Variants in TACR1 observed in about 807,000 individuals in gnomAD.
The protein encoded by TACR1 is substance-P receptor.
In TACR1, 25 loss-of-function variants were observed where a neutral mutation model predicts 35.8. That is an observed-to-expected ratio of 0.70 (90% confidence interval 0.51 to 0.98). The LOEUF (loss-of-function observed/expected upper bound fraction) is 0.98. Among genes scored for constraint, TACR1 ranks in the 50% least tolerant of loss-of-function variants. TACR1 has a pLI of 0.00. For synonymous variants in TACR1, 195 were observed against 206.7 expected (o/e 0.94, Z 0.48); for missense variants, 478 against 522.9 (o/e 0.91, Z 0.84).
At chr2:75,052,699 G>A in intron 3 of TACR1, among the ~76,000 whole-genome samples, 1 of 152,208 alleles carries the variant, frequency 6.6e-6, no homozygotes, top group Middle Eastern at 3.4e-3. Flanking sequence ...TTATTTATAA[G>A]TGCCAATAGC....
At chr2:75,083,165 C>T (rs1673124450) in intron 2 of TACR1, among the ~76,000 whole-genome samples, 1 of 152,168 alleles carries the variant, frequency 6.6e-6, no homozygotes, top group Non-Finnish European at 1.5e-5. Context: ...TTTCCCAGCA[C>T]CATTTGTTAA....
Position 75,047,015 on chromosome 2 carries a change from A to T in TACR1, c.*2417T>A, listed in dbSNP as rs1297217386. 1 of 152,252 alleles carries T rather than the reference A, an allele frequency of 6.6e-6. No individual in the cohort carries two copies. Among genetic ancestry groups the T allele is most frequent in the Admixed American group, 6.5e-5 (1 of 15,280 alleles). The allele number at this position is 152,252 out of a possible 1,614,324, so 9.4% of individuals were successfully genotyped here. ...TGGTGTTTCTTACATGTGGGAGTTG[A>T]TGACATTTTTATAAGTTAGTGGACA... On this transcript the variant is annotated 3_prime_UTR_variant, in exon 5 of 5. Coordinates refer to ENST00000305249, the MANE Select transcript of TACR1 (RefSeq NM_001058.4).
chr2:75,171,477 C>T (rs1675281520), intron 1 of TACR1, among the ~76,000 whole-genome samples: 1 of 152,218 alleles, frequency 6.6e-6, no homozygotes, highest in Non-Finnish European at 1.5e-5. Context: ...CTCAGAGTTC[C>T]CACTGGGGCA....
chr2:75,078,166 G>C (rs72918513), intron 2 of TACR1, among the ~76,000 whole-genome samples: 2,517 of 152,304 alleles, frequency 0.017, 64 homozygotes, highest in African/African-American at 0.056. Flanking sequence ...TTACCTGAAA[G>C]AGCTGTGAAG....
At chr2:75,162,863 CT>C in intron 1 of TACR1, among the ~76,000 whole-genome samples, 1 of 152,182 alleles carries the variant, frequency 6.6e-6, no homozygotes, top group Non-Finnish European at 1.5e-5. Flanking sequence ...CAGTTACAAT[CT>C]GCTATACTTG....
chr2:75,065,619 C>T lies in TACR1; in HGVS notation c.585-11864G>A, dbSNP rs193208164. On this transcript the variant is annotated intron_variant, in intron 2 of 4. Coordinates refer to ENST00000305249, the MANE Select transcript of TACR1 (RefSeq NM_001058.4). Reference sequence around the variant, plus strand: ...TGCAGCAGCTGGAATGAACACTGGGCTGGGGTTGGGGGTTGTGGGAGACGG... The same window carrying T: ...TGCAGCAGCTGGAATGAACACTGGGTTGGGGTTGGGGGTTGTGGGAGACGG... Among the ~76,000 whole-genome samples the T allele has an allele frequency of 7.3e-3, 1,085 of 149,148 alleles. 6 individuals are homozygous for T. Among genetic ancestry groups the T allele is most frequent in the Non-Finnish European group, 0.011 (730 of 67,604 alleles).
At chr2:75,090,357 G>T (rs1046748339) in intron 2 of TACR1, among the ~76,000 whole-genome samples, 3 of 152,178 alleles carry the variant, frequency 2.0e-5, no homozygotes, top group South Asian at 2.1e-4. Flanking sequence ...GGGAAGTGGG[G>T]TCGAACAGGC....
At chr2:75,197,131 A>G (rs1266589834) in intron 1 of TACR1, among the ~76,000 whole-genome samples, 2 of 152,248 alleles carry the variant, frequency 1.3e-5, no homozygotes, top group Non-Finnish European at 2.9e-5. Flanking sequence ...TTTACCATCT[A>G]CATTTAAAAT....
intron 1 of TACR1, among the ~76,000 whole-genome samples, chr2:75,197,747 G>A (rs1676028248): frequency 6.6e-6 from 1 of 152,186 alleles, no homozygotes; most frequent in South Asian, 2.1e-4. Flanking sequence ...CCTTTGCCAA[G>A]CATGTTTCTC....
intron 1 of TACR1, among the ~76,000 whole-genome samples, chr2:75,185,415 G>T (rs1217811445): frequency 3.3e-5 from 5 of 151,862 alleles, no homozygotes; most frequent in Non-Finnish European, 4.4e-5. Context: ...CACTGAAAAA[G>T]AAATGAACAT....
intron 1 of TACR1, among the ~76,000 whole-genome samples, chr2:75,166,613 A>G (rs748000250): frequency 6.6e-6 from 1 of 152,220 alleles, no homozygotes; most frequent in African/African-American, 2.4e-5. Flanking sequence ...ATAGCAATCA[A>G]TCTGGCCAAT....
chr2:75,125,951 G>A (rs1039236307), intron 1 of TACR1, among the ~76,000 whole-genome samples: 15 of 152,072 alleles, frequency 9.9e-5, no homozygotes, highest in African/African-American at 2.4e-4. Flanking sequence ...TAGGTTCAGG[G>A]GTACATGTGC....
chr2:75,183,258 T>C (rs935481931), intron 1 of TACR1, among the ~76,000 whole-genome samples: 4 of 152,208 alleles, frequency 2.6e-5, no homozygotes, highest in African/African-American at 7.2e-5. Context: ...TTTATTTCTA[T>C]TTCTTCTTCA....
intron 2 of TACR1, among the ~76,000 whole-genome samples, chr2:75,113,774 G>T (rs1310258433): frequency 1.3e-5 from 2 of 151,994 alleles, no homozygotes; most frequent in East Asian, 3.9e-4. Context: ...ATCAATCCTG[G>T]AAACACAAAT....
At chr2:75,126,751 C>T (rs567200637) in intron 1 of TACR1, among the ~76,000 whole-genome samples, 14 of 152,274 alleles carry the variant, frequency 9.2e-5, no homozygotes, top group South Asian at 2.1e-4. Context: ...CATCTGACAA[C>T]GGTCTAATAT....
intron 4 of TACR1, chr2:75,050,987 T>A (rs892748736): frequency 2.0e-6 from 1 of 491,110 alleles, no homozygotes; most frequent in East Asian, 3.8e-5. Flanking sequence ...GCTGCCAGTA[T>A]TTATGAATCA....
intron 2 of TACR1, among the ~76,000 whole-genome samples, chr2:75,100,445 C>T (rs1462288299): frequency 6.6e-6 from 1 of 152,148 alleles, no homozygotes; most frequent in Admixed American, 6.6e-5. Flanking sequence ...CAAACTCTGC[C>T]TACTGATTTG....
At chr2:75,081,524 C>G (rs1673085942) in intron 2 of TACR1, among the ~76,000 whole-genome samples, 1 of 152,072 alleles carries the variant, frequency 6.6e-6, no homozygotes, top group Admixed American at 6.6e-5. Context: ...TAGGGGTAGC[C>G]AAAGGGTGAA....
At chr2:75,060,994 G>A (rs1006519698) in intron 2 of TACR1, among the ~76,000 whole-genome samples, 4 of 152,122 alleles carry the variant, frequency 2.6e-5, no homozygotes, top group Admixed American at 1.3e-4. Context: ...CAGGCTTGTC[G>A]GGCAAAGTTG....
Sources: allele counts gnomAD v4.1 joint callset (sites outside exome capture counted in the v4.1 genomes callset), GRCh38; gene constraint gnomAD v4.1.1; transcripts MANE v1.5; gene names NCBI Gene and HGNC (gene_info 2026-07-23, HGNC 2026-07-21).